CCDC33: variants seen among roughly 807,000 people sequenced by gnomAD.
The protein encoded by CCDC33 is coiled-coil domain containing 33, also known as coiled-coil domain-containing protein 33.
A neutral mutation model predicts 91.9 loss-of-function variants in CCDC33; 94 were observed. That is an observed-to-expected ratio of 1.02 (90% CI 0.87 to 1.21). CCDC33 has a LOEUF of 1.21. CCDC33 is among the 50% of genes most tolerant of loss of function. The pLI is 0.00. For synonymous variants in CCDC33, 396 were observed against 374.5 expected (o/e 1.06, Z -0.66); for missense variants, 940 against 935.5 (o/e 1.00, Z -0.06).
intron 2 of CCDC33, among the ~76,000 whole-genome samples, chr15:74,260,598 T>C (rs2075996380): frequency 6.6e-6 from 1 of 152,120 alleles, no homozygotes; most frequent in African/African-American, 2.4e-5. Context: ...GCGGTACTAT[T>C]GAAAAAGGAG....
At chr15:74,248,969 A>C (rs1595938765) in intron 2 of CCDC33, among the ~76,000 whole-genome samples, 1 of 152,200 alleles carries the variant, frequency 6.6e-6, no homozygotes, top group South Asian at 2.1e-4. Context: ...TTGCCAAGAC[A>C]AAGTGCCTTA....
upstream of CCDC33, among the ~76,000 whole-genome samples, chr15:74,234,005 A>G (rs777778143): frequency 3.3e-5 from 5 of 152,086 alleles, no homozygotes; most frequent in African/African-American, 7.2e-5. Flanking sequence ...TTGCATGGGT[A>G]GTTTGTCCTC....
intron 2 of CCDC33, among the ~76,000 whole-genome samples, chr15:74,254,744 C>CTTTTTTT (rs756927130): frequency 7.9e-6 from 1 of 126,416 alleles, no homozygotes; most frequent in Non-Finnish European, 1.6e-5. Context: ...TACCCTCCTT[C>CTTTTTTT]TTTTTTTTTT....
At chr15:74,205,793 C>T (rs2074247678) in intron 1 of CCDC33, among the ~76,000 whole-genome samples, 1 of 152,206 alleles carries the variant, frequency 6.6e-6, no homozygotes, top group Non-Finnish European at 1.5e-5. Flanking sequence ...CCTCCCTCCT[C>T]ATGGGAAGAC....
chr15:74,266,538 A>G (rs530877862), intron 3 of CCDC33, 140 bp from the exon 4 acceptor site: 675 of 677,716 alleles, frequency 1.0e-3, no homozygotes, highest in Non-Finnish European at 1.6e-3. Context: ...TGATCCACAC[A>G]TGTGTGTGCA....
At chr15:74,285,477 C>T (rs902767773) in intron 10 of CCDC33, among the ~76,000 whole-genome samples, 2 of 152,148 alleles carry the variant, frequency 1.3e-5, no homozygotes, top group Non-Finnish European at 2.9e-5. Flanking sequence ...GCAGGCCTTC[C>T]TATGGCTGAG....
At chr15:74,247,869 G>A (rs1019472431) in intron 2 of CCDC33, among the ~76,000 whole-genome samples, 2 of 152,194 alleles carry the variant, frequency 1.3e-5, no homozygotes, top group Admixed American at 6.5e-5. Flanking sequence ...CTGAGGTCAG[G>A]AGTTTGAGAC....
Position 74,206,564 on chromosome 15 carries a change from A to G in CCDC33, n.90-2824A>G, listed in dbSNP as rs139993411. The stretch of plus-strand genomic sequence containing the variant: ...TGGAGCTGGCTTTAAAGGGGCACTG[A>G]TACCCAGGAAGGCCCAGCCCTGCCC... On this transcript the variant is annotated intron_variant and non_coding_transcript_variant, in intron 1 of 3. Transcript: ENST00000558645. 2.9e-4 allele frequency among the ~76,000 whole-genome samples: 44 copies of G among 152,334 alleles called. No individual in the cohort carries two copies. In the East Asian group the frequency reaches 8.3e-3, roughly 29 times the overall value.
At chr15:74,280,360 TCA>T (rs2059335688) in intron 8 of CCDC33, among the ~76,000 whole-genome samples, 1 of 152,158 alleles carries the variant, frequency 6.6e-6, no homozygotes, top group Admixed American at 6.5e-5. Context: ...CCCTCGGAAC[TCA>T]CAGAGAGGGG....
At chr15:74,243,865 A>C in intron 1 of CCDC33, 120 bp from the exon 2 acceptor site, 1 of 1,098,848 alleles carries the variant, frequency 9.1e-7, no homozygotes, top group Non-Finnish European at 1.3e-6. Context: ...GAATTGCTTG[A>C]ACCTGGGAGG....
chr15:74,276,336 G>A (rs1456626882), intron 7 of CCDC33, among the ~76,000 whole-genome samples: 1 of 152,200 alleles, frequency 6.6e-6, no homozygotes, highest in Non-Finnish European at 1.5e-5. Context: ...GGTGGGCCGT[G>A]TAAGTTACTC....
At chr15:74,259,301 CGA>C (rs1265433620) in intron 2 of CCDC33, among the ~76,000 whole-genome samples, 1 of 151,980 alleles carries the variant, frequency 6.6e-6, no homozygotes, top group African/African-American at 2.4e-5. Context: ...TTGGGAGCCC[CGA>C]GAGAGCCTGG....
chr15:74,251,222 A>T (rs1038581120), intron 2 of CCDC33, among the ~76,000 whole-genome samples: 1 of 152,212 alleles, frequency 6.6e-6, no homozygotes, highest in African/African-American at 2.4e-5. Flanking sequence ...GCCACCCGAG[A>T]CAGATTCTGT....
chr15:74,334,076 G>A lies in CCDC33; in HGVS notation c.2025+109G>A, dbSNP rs1451072372. The A allele has an allele frequency of 1.2e-5, 12 of 961,820 alleles. No homozygotes were observed. In the East Asian group the frequency reaches 2.2e-4, roughly 17 times the overall value. The allele number at this position is 961,820 out of a possible 1,614,324, so 59.6% of individuals were successfully genotyped here. ...AGGCTCAATCTATGACCAGGATCAA[G>A]GCTTAGTGTGTGGCCAGGGTCGGGG... On this transcript the variant is annotated intron_variant, in intron 17 of 18. Transcript: ENST00000398814.
intron 2 of CCDC33, chr15:74,221,202 A>G: frequency 1.2e-6 from 1 of 826,510 alleles, no homozygotes; most frequent in Non-Finnish European, 1.4e-6. Context: ...CAGTTTGTGT[A>G]GTGTGTGGCA....
intron 11 of CCDC33, among the ~76,000 whole-genome samples, chr15:74,327,362 C>T (rs563350508): frequency 2.6e-5 from 4 of 152,284 alleles, no homozygotes; most frequent in African/African-American, 9.6e-5. Context: ...GGGCCAGGTG[C>T]GGTGGCTCAT....
At chr15:74,256,514 C>T (rs1306678925) in intron 2 of CCDC33, among the ~76,000 whole-genome samples, 1 of 152,130 alleles carries the variant, frequency 6.6e-6, no homozygotes, top group Non-Finnish European at 1.5e-5. Flanking sequence ...CATCCAGGCC[C>T]ACACCTTCCA....
chr15:74,252,411 T>C (rs1428587411), intron 2 of CCDC33, among the ~76,000 whole-genome samples: 1 of 152,086 alleles, frequency 6.6e-6, no homozygotes, highest in Non-Finnish European at 1.5e-5. Flanking sequence ...AAAATAACAA[T>C]AACACAGTGA....
intron 10 of CCDC33, among the ~76,000 whole-genome samples, chr15:74,294,064 A>G (rs1292182228): frequency 7.9e-5 from 12 of 152,242 alleles, no homozygotes; most frequent in Admixed American, 7.2e-4. Context: ...GGACTTTCCT[A>G]TAGAAGAACC....
Sources: allele counts gnomAD v4.1 joint callset (sites outside exome capture counted in the v4.1 genomes callset), GRCh38; gene constraint gnomAD v4.1.1; transcripts MANE v1.5; gene names NCBI Gene and HGNC (gene_info 2026-07-23, HGNC 2026-07-21).